SKA2: variants seen among roughly 807,000 people sequenced by gnomAD.
SKA2 encodes spindle and kinetochore associated complex subunit 2.
In SKA2, 13 loss-of-function variants were observed where a neutral mutation model predicts 16.9. The observed-to-expected ratio is 0.77, with a 90% CI of 0.50 to 1.22. SKA2 has a LOEUF of 1.22. Among genes scored for constraint, SKA2 ranks in the 50% most tolerant of loss-of-function variants. SKA2 has a pLI of 0.00. For synonymous variants in SKA2, 47 were observed against 48.5 expected (o/e 0.97, Z 0.13); for missense variants, 107 against 139.7 (o/e 0.77, Z 1.18).
chr17:59,155,148 C>T lies in SKA2; in HGVS notation c.16G>A (p.Asp6Asn), dbSNP rs2046614151. The T allele has an allele frequency of 6.2e-7, 1 of 1,614,022 alleles. No individual in the cohort carries two copies. Among genetic ancestry groups the T allele is most frequent in the African/African-American group, 1.3e-5 (1 of 75,048 alleles). Residue 6 changes from aspartate (D) to asparagine (N), a missense_variant, in exon 1 of 4, where the codon GAT becomes AAT. Coordinates refer to ENST00000330137, the MANE Select transcript of SKA2 (RefSeq NM_182620.4). MEAEV[D>N]KLELMFQKAE... ...GCACTCACCATCAGTTCCAGCTTAT[C>T]GACCTCCGCCTCCATGTTGAATAGT...
intron 1 of SKA2, among the ~76,000 whole-genome samples, chr17:59,136,229 C>G (rs1171231836): frequency 6.7e-6 from 1 of 150,148 alleles, no homozygotes; most frequent in Non-Finnish European, 1.5e-5. Context: ...GGCGCGATCT[C>G]GGGGCTCACT....
intron 1 of SKA2, 29 bp downstream of exon 1, chr17:59,155,102 C>A: frequency 1.2e-6 from 2 of 1,613,994 alleles, no homozygotes; most frequent in Non-Finnish European, 1.7e-6. Context: ...AATAAACTAC[C>A]CAGTAGATCT....
At chr17:59,137,620 AAAAAG>A (rs1346784911) in intron 1 of SKA2, 4 of 372,016 alleles carry the variant, frequency 1.1e-5, no homozygotes, top group African/African-American at 6.7e-5. Context: ...CCCATTTGTC[AAAAAG>A]AAAAGTTACC....
intron 2 of SKA2, among the ~76,000 whole-genome samples, chr17:59,127,983 C>T (rs796695144): frequency 5.3e-5 from 8 of 151,944 alleles, no homozygotes; most frequent in South Asian, 2.1e-4. Context: ...TTTGGGAGGC[C>T]GAGGTGGGTG....
At chr17:59,153,109 C>T (rs778816705) in intron 1 of SKA2, among the ~76,000 whole-genome samples, 2 of 152,140 alleles carry the variant, frequency 1.3e-5, no homozygotes, top group Non-Finnish European at 2.9e-5. Flanking sequence ...ACTGACTCTA[C>T]TGTAAAAGCC....
intron 3 of SKA2, among the ~76,000 whole-genome samples, chr17:59,117,105 G>A (rs546195895): frequency 2.6e-5 from 4 of 151,878 alleles, no homozygotes; most frequent in East Asian, 1.9e-4. Context: ...GTGAGCCACC[G>A]CACCCGGCCT....
intron 3 of SKA2, 94 bp downstream of exon 3, chr17:59,119,225 G>A (rs2046316163): frequency 7.3e-7 from 1 of 1,367,360 alleles, no homozygotes. Context: ...ACTGACTGCT[G>A]AGTTTCAAAA....
At chr17:59,116,158 G>T (rs186395302) in intron 3 of SKA2, among the ~76,000 whole-genome samples, 2 of 152,234 alleles carry the variant, frequency 1.3e-5, no homozygotes, top group African/African-American at 4.8e-5. Context: ...ATCACTTGCA[G>T]TCAGGAGTTC....
chr17:59,136,584 C>G (rs1335876909), intron 1 of SKA2, among the ~76,000 whole-genome samples: 1 of 150,048 alleles, frequency 6.7e-6, no homozygotes, highest in Non-Finnish European at 1.5e-5. Context: ...GAGTCTCACT[C>G]TGTTGCCAGG....
chr17:59,114,374 T>C (rs2046283206), intron 3 of SKA2, among the ~76,000 whole-genome samples: 1 of 152,196 alleles, frequency 6.6e-6, no homozygotes, highest in African/African-American at 2.4e-5. Flanking sequence ...TCACAGACTG[T>C]ACTTACACAA....
At chr17:59,119,817 C>A (rs937545029) in intron 2 of SKA2, among the ~76,000 whole-genome samples, 3 of 152,006 alleles carry the variant, frequency 2.0e-5, no homozygotes, top group African/African-American at 7.2e-5. Context: ...TACAATATTT[C>A]TAAAATACAA....
Position 59,126,606 on chromosome 17 carries a change from A to G in SKA2, c.120+4675T>C, listed in dbSNP as rs1726422493. On this transcript the variant is annotated intron_variant, in intron 2 of 3. Coordinates refer to ENST00000330137, the MANE Select transcript of SKA2 (RefSeq NM_182620.4). ...AAGACTGATGTTGGACAAATCTACAAAGATTAAAATCATGGCTTTATTCTC... is the reference window on the plus strand; with the variant it reads ...AAGACTGATGTTGGACAAATCTACAGAGATTAAAATCATGGCTTTATTCTC... 2.0e-5 allele frequency among the ~76,000 whole-genome samples: 3 copies of G among 152,350 alleles called. No individual in the cohort carries two copies. In the South Asian group the frequency reaches 6.2e-4, roughly 32 times the overall value.
intron 1 of SKA2, among the ~76,000 whole-genome samples, chr17:59,148,034 G>A (rs2147820139): frequency 6.6e-6 from 1 of 151,918 alleles, no homozygotes; most frequent in South Asian, 2.1e-4. Flanking sequence ...AGTAGAGACA[G>A]GGTTTCACCA....
chr17:59,120,055 C>A (rs1568301846), intron 2 of SKA2, among the ~76,000 whole-genome samples: 2 of 151,844 alleles, frequency 1.3e-5, no homozygotes, highest in African/African-American at 2.4e-5. Context: ...ACTACAGGCG[C>A]CCGCCACCAC....
intron 1 of SKA2, among the ~76,000 whole-genome samples, chr17:59,148,015 T>G (rs953664826): frequency 4.0e-5 from 6 of 151,858 alleles, no homozygotes; most frequent in Admixed American, 6.6e-5. Context: ...GCTAATTTTT[T>G]GTATTTTTAG....
At position 59,131,338 on chromosome 17, in the gene SKA2, G is replaced by A; in HGVS notation, c.63C>T (p.Tyr21=). ...TTTCATATTCCAGCCTGTATTGAATGTAATCCAGATCAGACTCAGCTTTCT... is the reference window on the plus strand; with the variant it reads ...TTTCATATTCCAGCCTGTATTGAATATAATCCAGATCAGACTCAGCTTTCT... ...MFQKAESDLD[Y]IQYRLEYEIK... Residue 21 remains tyrosine (Y), a synonymous_variant, in exon 2 of 4, where the codon TAC becomes TAT. Coordinates refer to ENST00000330137, the MANE Select transcript of SKA2 (RefSeq NM_182620.4). 1.9e-6 allele frequency: 3 copies of A among 1,576,340 alleles called. No individual in the cohort carries two copies. Among genetic ancestry groups the A allele is most frequent in the Non-Finnish European group, 2.6e-6 (3 of 1,158,558 alleles).
At chr17:59,151,212 C>T (rs370820064) in intron 1 of SKA2, 5 of 508,040 alleles carry the variant, frequency 9.8e-6, no homozygotes, top group East Asian at 1.1e-4. Context: ...TCAGAGCATT[C>T]GTTAGCAGTA....
chr17:59,137,238 G>A (rs1331041495), intron 1 of SKA2, among the ~76,000 whole-genome samples: 1 of 152,100 alleles, frequency 6.6e-6, no homozygotes, highest in Non-Finnish European at 1.5e-5. Context: ...GGCTGGACTT[G>A]AACTCCTGAG....
intron 1 of SKA2, among the ~76,000 whole-genome samples, chr17:59,132,207 T>C (rs942243450): frequency 6.6e-6 from 1 of 151,812 alleles, no homozygotes; most frequent in Non-Finnish European, 1.5e-5. Context: ...AATACAAAAA[T>C]TAGCTGTGCA....
Sources: allele counts gnomAD v4.1 joint callset (sites outside exome capture counted in the v4.1 genomes callset), GRCh38; gene constraint gnomAD v4.1.1; transcripts MANE v1.5; gene names NCBI Gene and HGNC (gene_info 2026-07-23, HGNC 2026-07-21).